HMX1: variants seen among roughly 807,000 people sequenced by gnomAD.
HMX1 encodes the protein homeobox protein HMX1.
In HMX1, 8 loss-of-function variants were observed where a neutral mutation model predicts 8.9. The observed-to-expected ratio is 0.90, with a 90% CI of 0.53 to 1.63. HMX1 has a LOEUF of 1.63. Ranked by LOEUF, HMX1 falls within the 40% of genes most tolerant of loss-of-function variation. The pLI is 0.00. For missense variants in HMX1, 621 were observed against 558.5 expected, an observed-to-expected ratio of 1.11 and a Z score of -1.13; for synonymous variants, 311 against 283.4, an observed-to-expected ratio of 1.10 and a Z score of -0.98.
chr4:8,855,107 C>T (rs71263572), intron 1 of HMX1, among the ~76,000 whole-genome samples: 26 of 152,368 alleles, frequency 1.7e-4, no homozygotes, highest in East Asian at 9.6e-4. Context: ...CTTCCCCCAG[C>T]GCCTGCAGTC....
rs906425166 is a variant in HMX1, at chr4:8,848,078, T to C, written c.395-1754A>G. Among the ~76,000 whole-genome samples, 1 of 152,328 alleles carries C rather than the reference T, an allele frequency of 6.6e-6. No individual in the cohort carries two copies. The highest frequency in any genetic ancestry group is 1.9e-4 in the East Asian group (1 of 5,178). ...AACACTGAAGTATGTTTGGAACAAC[T>C]TGGGTCTGAGAATCTGCTTTTTCAA... On this transcript the variant is annotated intron_variant, in intron 1 of 1. Transcript: ENST00000506970. The surrounding 1 kb of genome is among the most constrained non-coding windows in gnomAD (Gnocchi z 4.1).
At chr4:8,859,381 C>T (rs1721720572) in intron 1 of HMX1, among the ~76,000 whole-genome samples, 1 of 152,190 alleles carries the variant, frequency 6.6e-6, no homozygotes, top group South Asian at 2.1e-4. Flanking sequence ...TCTGAGCTGG[C>T]TTAGAGCTTC....
intron 1 of HMX1, among the ~76,000 whole-genome samples, chr4:8,869,901 T>A (rs1722152320): frequency 6.6e-6 from 1 of 152,132 alleles, no homozygotes; most frequent in South Asian, 2.1e-4. Context: ...AATTTCACCC[T>A]GAGAAACCCT....
At chr4:8,858,032 G>A (rs1183470869) in intron 1 of HMX1, among the ~76,000 whole-genome samples, 2 of 152,034 alleles carry the variant, frequency 1.3e-5, no homozygotes, top group African/African-American at 4.8e-5. Context: ...TAAGCCATTA[G>A]GGCTAATGCG....
intron 1 of HMX1, among the ~76,000 whole-genome samples, chr4:8,857,960 G>A (rs1310010087): frequency 6.6e-6 from 1 of 152,162 alleles, no homozygotes; most frequent in Admixed American, 6.5e-5. Context: ...TCGGGGAGAG[G>A]AGGCGGAGGA....
downstream of HMX1, among the ~76,000 whole-genome samples, chr4:8,862,132 G>A (rs1407970381): frequency 1.3e-5 from 2 of 152,274 alleles, no homozygotes; most frequent in Non-Finnish European, 2.9e-5. Context: ...AGAAGGGGCG[G>A]AGGCCGGGAA....
intron 1 of HMX1, chr4:8,860,960 C>CG (rs1341516724): frequency 3.0e-5 from 1 of 32,896 alleles, no homozygotes; most frequent in Non-Finnish European, 6.2e-5. Flanking sequence ...CGGGCGGGGG[C>CG]GGGGGCGAGG....
Position 8,868,203 on chromosome 4 carries a change from C to A in HMX1, c.537G>T (p.Ala179=). ...ARGPAAGTEE[A]SELAEVPAAA... is the part of the protein sequence containing the mutation. ...CCGCAGGGACCTCGGCCAGCTCCGA[C>A]GCCTCCTCCGTGCCGGCCGCCGGGC... Residue 179 remains alanine (A), a synonymous_variant, in exon 2 of 2, where the codon GCG becomes GCT. Coordinates refer to ENST00000400677, the MANE Select transcript of HMX1 (RefSeq NM_018942.3). The surrounding 1 kb of genome is among the most constrained non-coding windows in gnomAD (Gnocchi z 4.6). 2.0e-6 allele frequency: 3 copies of A among 1,469,148 alleles called. No individual in the cohort carries two copies. The highest frequency in any genetic ancestry group is 2.6e-5 in the South Asian group (2 of 76,436). The allele number at this position is 1,469,148 out of a possible 1,614,324, so 91.0% of individuals were successfully genotyped here. A position where few individuals can be genotyped will look rare whatever the true frequency, so the allele number is the denominator to read the frequency against.
chr4:8,851,649 CT>C, intron 1 of HMX1, among the ~76,000 whole-genome samples: 1 of 152,324 alleles, frequency 6.6e-6, no homozygotes, highest in Non-Finnish European at 1.5e-5. Context: ...AAGAGGAGGC[CT>C]GGGACCCACG....
At position 8,849,132 on chromosome 4, in the gene HMX1, T is replaced by A. The variant is rs1396520624; in HGVS notation, c.395-2808A>T. ...CCATCTGTGAAACGGGGGTATGAAG[T>A]GTGGGATGAAGCCTTTTCATGAGGT... On this transcript the variant is annotated intron_variant, in intron 1 of 1. Coordinates refer to the HMX1 transcript ENST00000506970. The surrounding 1 kb of genome is among the most constrained non-coding windows in gnomAD (Gnocchi z 6.6). Among the ~76,000 whole-genome samples, 1 of 151,976 alleles carries A rather than the reference T, an allele frequency of 6.6e-6. No individual in the cohort carries two copies. The highest frequency in any genetic ancestry group is 1.5e-5 in the Non-Finnish European group (1 of 68,002).
intron 1 of HMX1, among the ~76,000 whole-genome samples, chr4:8,854,022 T>A (rs777734552): frequency 4.7e-4 from 71 of 152,252 alleles, no homozygotes; most frequent in Non-Finnish European, 8.5e-4. Flanking sequence ...GGCCCTGCCC[T>A]GCCATCCCTT....
In HMX1 at chr4:8,853,688, C is replaced by G. The variant is rs1308801318; in HGVS notation, c.395-7364G>C. 6.6e-6 allele frequency among the ~76,000 whole-genome samples: 1 copy of G among 152,120 alleles called. No homozygotes were observed. The highest frequency in any genetic ancestry group is 2.4e-5 in the African/African-American group (1 of 41,416). ...CCAATATGATGAAACCCCGTCTCTA[C>G]TAAAAATACAGAAATTAGCTGGGTG... is the stretch of plus-strand genomic sequence containing the variant. On this transcript the variant is annotated intron_variant, in intron 1 of 1. Transcript: ENST00000506970. The surrounding 1 kb of genome is among the most constrained non-coding windows in gnomAD (Gnocchi z 4.7).
At chr4:8,864,601 C>G (rs1332115478), downstream of HMX1, among the ~76,000 whole-genome samples, 1 of 152,204 alleles carries the variant, frequency 6.6e-6, no homozygotes, top group Non-Finnish European at 1.5e-5. Context: ...CCTGGTCCCG[C>G]TTGCTCTCCA....
downstream of HMX1, among the ~76,000 whole-genome samples, chr4:8,866,384 A>G (rs137987270): frequency 3.3e-5 from 5 of 152,348 alleles, no homozygotes; most frequent in African/African-American, 1.2e-4. Flanking sequence ...TTCAAACCCG[A>G]ACAACATATT....
downstream of HMX1, among the ~76,000 whole-genome samples, chr4:8,863,493 G>C (rs4493627): frequency 0.066 from 10,059 of 152,298 alleles, 1,100 homozygotes; most frequent in African/African-American, 0.22. Context: ...CCCTGCATGC[G>C]GATGGGTGAG....
rs977562354 is a variant in HMX1 at position 8,868,886 on chromosome 4, T to TC, written c.395-542dup. Among the ~76,000 whole-genome samples, 4 of 152,114 alleles carry TC rather than the reference T, an allele frequency of 2.6e-5. No individual in the cohort carries two copies. In the East Asian group the frequency reaches 5.8e-4, roughly 22 times the overall value. On this transcript the variant is annotated intron_variant, in intron 1 of 1. Transcript: ENST00000400677. This position sits in a 1 kb window ranked among gnomAD's most constrained non-coding sequence, Gnocchi z 4.6. ...AGGAATGAAGAGTTCACAGGCCTCT[T>TC]CCCGCGCCCTCTGCCCGCTTGCACA...
intron 1 of HMX1, among the ~76,000 whole-genome samples, chr4:8,869,295 A>G (rs1295901703): frequency 6.6e-6 from 1 of 152,250 alleles, no homozygotes; most frequent in Non-Finnish European, 1.5e-5. Context: ...GCCGGGACCC[A>G]GAAGCACTTG....
chr4:8,868,629 TGCAGA>T lies in HMX1; in HGVS notation c.395-289_395-285del, dbSNP rs914247307. Among the ~76,000 whole-genome samples, 8 of 151,944 alleles carry T rather than the reference TGCAGA, an allele frequency of 5.3e-5. No individual in the cohort carries two copies. The highest frequency in any genetic ancestry group is 1.9e-4 in the African/African-American group (8 of 41,358). ...CCCATGCCAGAGGACAACAAAGGGA[TGCAGA>T]GCAAAGAAAAGAAACAAAAATACTA... On this transcript the variant is annotated intron_variant, in intron 1 of 1. Transcript: ENST00000400677. This position sits in a 1 kb window ranked among gnomAD's most constrained non-coding sequence, Gnocchi z 4.6.
In HMX1 at chr4:8,868,255, C is replaced by T. The variant is rs182586493; in HGVS notation, c.485G>A (p.Arg162Gln). 365 of 1,446,766 alleles carry T rather than the reference C, an allele frequency of 2.5e-4. 1 individual carries two copies. The East Asian group carries it at 0.01, about 41-fold the overall frequency. The allele number at this position is 1,446,766 out of a possible 1,614,324, so 89.6% of individuals were successfully genotyped here. ...PRGPGPGAVQ[R>Q]EAAELAARGP... ...ACGCGCCGCCAGCTCCGCTGCCTCCCGCTGCACCGCTCCCGGCCCGGGGCC... is the reference window on the plus strand; with the variant it reads ...ACGCGCCGCCAGCTCCGCTGCCTCCTGCTGCACCGCTCCCGGCCCGGGGCC... The change falls in exon 2 of 2, where the codon CGG (arginine) becomes CAG (glutamine). Residue 162 changes from arginine (R) to glutamine (Q), a missense_variant. Physicochemically the swap from Arg to Gln is conservative, Grantham distance 43. Transcript: ENST00000400677. The surrounding 1 kb of genome is among the most constrained non-coding windows in gnomAD (Gnocchi z 4.6).
Sources: gnomAD v4.1 joint callset for allele counts (sites outside exome capture counted in the v4.1 genomes callset) on GRCh38, gnomAD v4.1.1 for gene constraint, Gnocchi (gnomAD v3.1) non-coding constraint, MANE v1.5 for transcripts, NCBI Gene and HGNC (gene_info 2026-07-23, HGNC 2026-07-21) for gene names.